The following L3MBTL4 variants were observed in gnomAD, a reference collection of about 807,000 sequenced individuals.
L3MBTL4 encodes lethal(3)malignant brain tumor-like protein 4.
Under a neutral mutation model 84.5 loss-of-function variants are expected in L3MBTL4, and 70 were observed. The observed-to-expected ratio is 0.83, with a 90% CI of 0.68 to 1.01. L3MBTL4 has a LOEUF of 1.01. L3MBTL4 is among the 50% of genes least tolerant of loss of function. The pLI is 0.00. For missense variants in L3MBTL4, 715 were observed against 754.8 expected, an observed-to-expected ratio of 0.95 and a Z score of 0.62; for synonymous variants, 274 against 259.8, an observed-to-expected ratio of 1.05 and a Z score of -0.52.
intron 16 of L3MBTL4, among the ~76,000 whole-genome samples, chr18:5,982,880 A>C (rs2053298309): frequency 6.6e-6 from 1 of 152,224 alleles, no homozygotes; most frequent in African/African-American, 2.4e-5. Flanking sequence ...TTCTATCCAT[A>C]TTAGTAAATA....
At chr18:5,960,061 C>CGTATATATATATGTATGT (rs10658145) in intron 18 of L3MBTL4, 33 bp downstream of exon 18, 1 of 365,352 alleles carries the variant, frequency 2.7e-6, no homozygotes, top group Non-Finnish European at 4.6e-6. Flanking sequence ...TATATATATA[C>CGTATATATATATGTATGT]ATATATATAT....
chr18:6,187,866 CAAAAAAA>C (rs36013917), intron 12 of L3MBTL4, among the ~76,000 whole-genome samples: 494 of 96,942 alleles, frequency 5.1e-3, no homozygotes, highest in Admixed American at 0.013. Context: ...CTCTTGGTAC[CAAAAAAA>C]AAAAAAAAAA....
chr18:6,237,738 G>A (rs749901378), intron 10 of L3MBTL4, among the ~76,000 whole-genome samples: 4 of 152,016 alleles, frequency 2.6e-5, no homozygotes, highest in Non-Finnish European at 5.9e-5. Context: ...TTACAGGGAT[G>A]AGCCACCACA....
chr18:6,313,105 T>G (rs2050916585), intron 1 of L3MBTL4, among the ~76,000 whole-genome samples: 1 of 152,194 alleles, frequency 6.6e-6, no homozygotes, highest in Non-Finnish European at 1.5e-5. Context: ...ATTGTAGTTT[T>G]TGTTTGCAGA....
rs1167174707 is a variant in L3MBTL4 at position 6,414,417 on chromosome 18, G to A, written c.-91+384C>T. Among the ~76,000 whole-genome samples the A allele has an allele frequency of 6.6e-6, 1 of 152,008 alleles. No homozygotes were observed. Among genetic ancestry groups the A allele is most frequent in the African/African-American group, 2.4e-5 (1 of 41,430 alleles). On this transcript the variant is annotated intron_variant, in intron 1 of 18. Transcript: ENST00000317931. This position sits in a 1 kb window ranked among gnomAD's most constrained non-coding sequence, Gnocchi z 5.4. ...CTGCCTGGGGGCCCTCAGGAGTCCC[G>A]TCCCGTCCCGCTCCCCCGGTCCCAG...
chr18:6,227,849 T>C (rs2046840460), intron 10 of L3MBTL4, among the ~76,000 whole-genome samples: 1 of 152,076 alleles, frequency 6.6e-6, no homozygotes, highest in Non-Finnish European at 1.5e-5. Context: ...TTTTTTTTAA[T>C]AGAGATATAG....
intron 16 of L3MBTL4, among the ~76,000 whole-genome samples, chr18:6,043,524 A>G (rs1001781336): frequency 2.6e-5 from 4 of 152,140 alleles, no homozygotes; most frequent in Non-Finnish European, 5.9e-5. Flanking sequence ...TTTCATCTCA[A>G]TTCCTCAATT....
intron 4 of L3MBTL4, among the ~76,000 whole-genome samples, chr18:6,288,849 T>C (rs2146672422): frequency 6.6e-6 from 1 of 151,646 alleles, no homozygotes; most frequent in African/African-American, 2.4e-5. Flanking sequence ...TCATATAATT[T>C]AAAATATTAA....
At chr18:6,060,820 G>A (rs764221255) in intron 16 of L3MBTL4, among the ~76,000 whole-genome samples, 8 of 152,024 alleles carry the variant, frequency 5.3e-5, no homozygotes, top group Non-Finnish European at 1.2e-4. Flanking sequence ...GCTCCTTCAT[G>A]TCTTTTTGGT....
intron 13 of L3MBTL4, among the ~76,000 whole-genome samples, chr18:6,166,631 G>A (rs1384435611): frequency 1.3e-5 from 2 of 152,072 alleles, no homozygotes; most frequent in Admixed American, 1.3e-4. Context: ...TGAAACCAAC[G>A]AGAACAAAGA....
intron 1 of L3MBTL4, among the ~76,000 whole-genome samples, chr18:6,404,378 C>T (rs1371720395): frequency 1.3e-5 from 2 of 152,090 alleles, no homozygotes; most frequent in Non-Finnish European, 2.9e-5. Flanking sequence ...ACAAGTGCAC[C>T]CCAAGCCATT....
At chr18:6,324,908 G>A (rs1378735602) in intron 1 of L3MBTL4, among the ~76,000 whole-genome samples, 1 of 152,108 alleles carries the variant, frequency 6.6e-6, no homozygotes, top group Admixed American at 6.5e-5. Context: ...ATGAAAAGTT[G>A]CTTAACTTCA....
intron 14 of L3MBTL4, among the ~76,000 whole-genome samples, chr18:6,123,802 A>C (rs1471543551): frequency 6.6e-6 from 1 of 152,254 alleles, no homozygotes; most frequent in Non-Finnish European, 1.5e-5. Context: ...ACCTGGCATT[A>C]CAACAGTTAT....
intron 4 of L3MBTL4, 69 bp downstream of exon 4, chr18:6,301,834 C>T (rs1173043067): frequency 2.8e-6 from 3 of 1,077,280 alleles, no homozygotes; most frequent in Non-Finnish European, 4.3e-6. Flanking sequence ...AACAACTAAG[C>T]AATCTAATAA....
chr18:6,041,524 T>C (rs993391961), intron 16 of L3MBTL4, among the ~76,000 whole-genome samples: 5 of 151,806 alleles, frequency 3.3e-5, no homozygotes, highest in African/African-American at 1.2e-4. Flanking sequence ...TGTCTTTTCT[T>C]TGTGATCATT....
chr18:6,229,249 T>A (rs1411654057), intron 10 of L3MBTL4, among the ~76,000 whole-genome samples: 2 of 152,170 alleles, frequency 1.3e-5, no homozygotes, highest in East Asian at 3.8e-4. Context: ...AAGAATGCTG[T>A]TTTTTATCTA....
At chr18:6,067,122 G>T (rs1202745221) in intron 16 of L3MBTL4, among the ~76,000 whole-genome samples, 2 of 152,170 alleles carry the variant, frequency 1.3e-5, no homozygotes, top group Admixed American at 1.3e-4. Context: ...CCAAAGATAG[G>T]ACCCCAGTCC....
At chr18:6,292,540 G>T (rs2049912102) in intron 4 of L3MBTL4, among the ~76,000 whole-genome samples, 1 of 152,130 alleles carries the variant, frequency 6.6e-6, no homozygotes, top group Non-Finnish European at 1.5e-5. Flanking sequence ...CCAGATCCCT[G>T]ATATAGACCC....
At chr18:6,022,543 G>A (rs976856768) in intron 16 of L3MBTL4, among the ~76,000 whole-genome samples, 7 of 152,196 alleles carry the variant, frequency 4.6e-5, no homozygotes, top group Non-Finnish European at 7.3e-5. Flanking sequence ...ATTTAGCACT[G>A]CTCAAAAGGT....
Sources: allele counts gnomAD v4.1 joint callset (sites outside exome capture counted in the v4.1 genomes callset), GRCh38; gene constraint gnomAD v4.1.1; non-coding constraint Gnocchi (gnomAD v3.1); transcripts MANE v1.5; gene names NCBI Gene and HGNC (gene_info 2026-07-23, HGNC 2026-07-21).